The following EPB41 variants were observed in gnomAD, a reference collection of about 807,000 sequenced individuals.
The protein encoded by EPB41 is erythrocyte membrane protein band 4.1.
Under a neutral mutation model 108.0 loss-of-function variants are expected in EPB41, and 65 were observed. The observed-to-expected ratio is 0.60, with a 90% CI of 0.49 to 0.74. The LOEUF is 0.74. Among genes scored for constraint, EPB41 ranks in the 30% least tolerant of loss-of-function variants. The pLI is 0.00. For synonymous variants in EPB41, 336 were observed against 358.9 expected (o/e 0.94, Z 0.72); for missense variants, 875 against 1,037.0 (o/e 0.84, Z 2.15).
At chr1:28,954,185 C>T (rs1402097340) in intron 1 of EPB41, among the ~76,000 whole-genome samples, 1 of 152,144 alleles carries the variant, frequency 6.6e-6, no homozygotes, top group Non-Finnish European at 1.5e-5. Flanking sequence ...TTATTCATTT[C>T]AAAATGTTAA....
intron 16 of EPB41, among the ~76,000 whole-genome samples, chr1:29,087,865 GGAGCCATT>G (rs1318710389): frequency 6.6e-6 from 1 of 151,974 alleles, no homozygotes; most frequent in African/African-American, 2.4e-5. Flanking sequence ...ATACTTAGCA[GGAGCCATT>G]GACTTTTTAA....
intron 9 of EPB41, 55 bp downstream of exon 9, chr1:29,033,300 A>G: frequency 6.3e-7 from 1 of 1,590,658 alleles, no homozygotes; most frequent in Admixed American, 1.7e-5. Flanking sequence ...TATCTGAAAT[A>G]TCTACATTTC....
chr1:29,027,228 A>T (rs2096731060), intron 7 of EPB41, among the ~76,000 whole-genome samples: 1 of 152,160 alleles, frequency 6.6e-6, no homozygotes, highest in African/African-American at 2.4e-5. Flanking sequence ...TTACAGCCTT[A>T]AACTCAAGCA....
At chr1:28,905,952 G>A (rs2091791088) in intron 1 of EPB41, among the ~76,000 whole-genome samples, 1 of 151,770 alleles carries the variant, frequency 6.6e-6, no homozygotes, top group Non-Finnish European at 1.5e-5. Flanking sequence ...AGAGTAGCTG[G>A]TACTACAGGC....
intron 1 of EPB41, among the ~76,000 whole-genome samples, chr1:28,982,769 ACTGT>A (rs1298393620): frequency 2.0e-5 from 3 of 152,128 alleles, no homozygotes; most frequent in Non-Finnish European, 4.4e-5. Context: ...TACCTGTATG[ACTGT>A]CATTAGTATA....
At chr1:28,967,545 T>A (rs2095390385) in intron 1 of EPB41, among the ~76,000 whole-genome samples, 1 of 152,222 alleles carries the variant, frequency 6.6e-6, no homozygotes, top group Non-Finnish European at 1.5e-5. Flanking sequence ...CAAGCTGTAG[T>A]ATGAATTCGA....
intron 1 of EPB41, among the ~76,000 whole-genome samples, chr1:28,985,289 G>A (rs879889046): frequency 3.3e-5 from 5 of 151,854 alleles, no homozygotes; most frequent in African/African-American, 9.6e-5. Flanking sequence ...TACCTATTAT[G>A]TGTCAGGTAC....
At chr1:28,931,663 G>A (rs2093753699) in intron 1 of EPB41, among the ~76,000 whole-genome samples, 2 of 151,606 alleles carry the variant, frequency 1.3e-5, no homozygotes, top group South Asian at 4.2e-4. Context: ...CGAGTAGCTG[G>A]GATTACAGGC....
intron 18 of EPB41, among the ~76,000 whole-genome samples, chr1:29,111,476 A>AC (rs1669135096): frequency 6.6e-6 from 1 of 150,866 alleles, no homozygotes; most frequent in African/African-American, 2.4e-5. Context: ...CTGACAAAAA[A>AC]CCCCGTCTCT....
upstream of EPB41, among the ~76,000 whole-genome samples, chr1:28,912,506 AG>A: frequency 6.6e-6 from 1 of 152,314 alleles, no homozygotes; most frequent in East Asian, 1.9e-4. Flanking sequence ...CACACCTCTC[AG>A]TCCACATTTT....
chr1:28,905,369 T>G (rs203290), intron 1 of EPB41, among the ~76,000 whole-genome samples: 18,537 of 145,996 alleles, frequency 0.13, 1,564 homozygotes, highest in African/African-American at 0.26. Context: ...TGGTGGTACG[T>G]GCCTGTAATC....
chr1:29,018,016 A>G lies in EPB41; in HGVS notation c.906-208A>G, dbSNP rs190559375. ...TAATATGTAAAAATTTCAAACACACAGAGAGAAATAATAGCGCAATGAACT... is the reference window on the plus strand; with the variant it reads ...TAATATGTAAAAATTTCAAACACACGGAGAGAAATAATAGCGCAATGAACT... On this transcript the variant is annotated intron_variant, in intron 6 of 20. Coordinates refer to ENST00000343067, the MANE Select transcript of EPB41 (RefSeq NM_001376013.1). The surrounding 1 kb of genome is among the most constrained non-coding windows in gnomAD (Gnocchi z 4.4). Among the ~76,000 whole-genome samples the G allele has an allele frequency of 3.9e-3, 573 of 145,064 alleles. 6 individuals carry two copies. The highest frequency in any genetic ancestry group is 0.015 in the African/African-American group (532 of 34,708).
At chr1:29,081,600 C>G (rs184722863) in intron 16 of EPB41, among the ~76,000 whole-genome samples, 1 of 152,284 alleles carries the variant, frequency 6.6e-6, no homozygotes, top group Admixed American at 6.5e-5. Context: ...CTTTGGGAGG[C>G]CGAACTGGGT....
chr1:28,947,156 G>A (rs1003485701), intron 1 of EPB41, among the ~76,000 whole-genome samples: 3 of 152,176 alleles, frequency 2.0e-5, no homozygotes, highest in African/African-American at 7.2e-5. Context: ...GGTGGCTCAC[G>A]CCTGTAATCC....
intron 10 of EPB41, among the ~76,000 whole-genome samples, chr1:29,036,279 G>A (rs1292640078): frequency 8.8e-6 from 1 of 113,426 alleles, no homozygotes; most frequent in Non-Finnish European, 1.7e-5. Flanking sequence ...TTTTTTTTGA[G>A]ACGGAGTTTC....
At chr1:29,106,425 T>G (rs1667156272) in intron 17 of EPB41, among the ~76,000 whole-genome samples, 1 of 152,040 alleles carries the variant, frequency 6.6e-6, no homozygotes, top group Non-Finnish European at 1.5e-5. Context: ...GCAGAACACA[T>G]ATTCCCATAT....
intron 16 of EPB41, among the ~76,000 whole-genome samples, chr1:29,080,870 T>G (rs964985921): frequency 6.6e-6 from 1 of 152,252 alleles, no homozygotes; most frequent in African/African-American, 2.4e-5. Context: ...TTTCTCACAT[T>G]ATTTGCTCTG....
chr1:29,030,967 C>T (rs530867126), intron 8 of EPB41, among the ~76,000 whole-genome samples: 3 of 151,836 alleles, frequency 2.0e-5, no homozygotes, highest in East Asian at 2.0e-4. Flanking sequence ...GGACTACAGG[C>T]GCCAGCTACC....
intron 16 of EPB41, among the ~76,000 whole-genome samples, chr1:29,078,039 CA>C (rs1259995160): frequency 6.6e-6 from 1 of 151,958 alleles, no homozygotes; most frequent in Non-Finnish European, 1.5e-5. Context: ...CCAGTTTAGC[CA>C]ACATGGTGAA....
Sources: allele counts gnomAD v4.1 joint callset (sites outside exome capture counted in the v4.1 genomes callset), GRCh38; gene constraint gnomAD v4.1.1; non-coding constraint Gnocchi (gnomAD v3.1); transcripts MANE v1.5; gene names NCBI Gene and HGNC (gene_info 2026-07-23, HGNC 2026-07-21).